Variants in CDK8 observed in about 807,000 individuals in gnomAD.
CDK8 encodes cyclin dependent kinase 8.
In CDK8, 29 loss-of-function variants were observed where a neutral mutation model predicts 71.5. The ratio of observed to expected loss-of-function variants is 0.41; its 90% CI spans 0.30 to 0.55. The LOEUF (loss-of-function observed/expected upper bound fraction) is 0.55. Ranked by LOEUF, CDK8 falls within the 20% of genes least tolerant of loss-of-function variation. CDK8 has a pLI of 0.37. For synonymous variants in CDK8, 161 were observed against 192.1 expected, an observed-to-expected ratio of 0.84 and a Z score of 1.34; for missense variants, 288 against 572.6, an observed-to-expected ratio of 0.50 and a Z score of 5.07.
At chr13:26,338,645 T>A (rs1873088134) in intron 2 of CDK8, among the ~76,000 whole-genome samples, 1 of 152,128 alleles carries the variant, frequency 6.6e-6, no homozygotes, top group Admixed American at 6.5e-5. Flanking sequence ...TAGACCATGC[T>A]GAAAGATGTA....
rs140717488 is a variant in CDK8 at position 26,270,850 on chromosome 13, G to A, written c.128+16081G>A. Among the ~76,000 whole-genome samples the A allele has an allele frequency of 5.9e-3, 891 of 152,276 alleles. 10 individuals are homozygous for A. Among genetic ancestry groups the A allele is most frequent in the African/African-American group, 0.02 (843 of 41,542 alleles). On this transcript the variant is annotated intron_variant, in intron 1 of 12. Coordinates refer to ENST00000381527, the MANE Select transcript of CDK8 (RefSeq NM_001260.3). ...ATTCCTAGGTATTCATTATAACCAA[G>A]AGTGGAATTACCGGCTCATGTTTAA...
At position 26,351,353 on chromosome 13, in the gene CDK8, T is replaced by C. The variant is rs998632466; in HGVS notation, c.315+2171T>C. On this transcript the variant is annotated intron_variant, in intron 3 of 12. Coordinates refer to ENST00000381527, the MANE Select transcript of CDK8 (RefSeq NM_001260.3). The stretch of plus-strand genomic sequence containing the variant: ...GCTGGTTATTAATTTCTTCTTTTTT[T>C]TTAAATCTTTGGTTCTTCTGTTCTT... Among the ~76,000 whole-genome samples, 29 of 152,190 alleles carry C rather than the reference T, an allele frequency of 1.9e-4. 1 individual carries two copies. Among genetic ancestry groups the C allele is most frequent in the Admixed American group, 5.2e-4 (8 of 15,286 alleles).
chr13:26,359,739 G>T, intron 4 of CDK8: 1 of 432,052 alleles, frequency 2.3e-6, no homozygotes, highest in East Asian at 8.0e-5. Flanking sequence ...TTTTGAGATG[G>T]AGTCATCACT....
chr13:26,348,183 A>G lies in CDK8; in HGVS notation c.205-889A>G, dbSNP rs114471687. On this transcript the variant is annotated intron_variant, in intron 2 of 12. Transcript: ENST00000381527. ...AAATAAGCCTGGCATGAAAGGATAC[A>G]TATTGTATGGTTCCACTTACATGAA... is the stretch of plus-strand genomic sequence containing the variant. Among the ~76,000 whole-genome samples, 970 of 152,272 alleles carry G rather than the reference A, an allele frequency of 6.4e-3. 10 individuals carry two copies. Among genetic ancestry groups the G allele is most frequent in the African/African-American group, 0.021 (867 of 41,548 alleles).
chr13:26,311,893 G>A (rs1234227519), intron 1 of CDK8, among the ~76,000 whole-genome samples: 1 of 152,184 alleles, frequency 6.6e-6, no homozygotes, highest in African/African-American at 2.4e-5. Flanking sequence ...TTAGGTAAAA[G>A]TAGATAAACC....
At chr13:26,300,449 A>G (rs550193057) in intron 1 of CDK8, among the ~76,000 whole-genome samples, 3 of 152,288 alleles carry the variant, frequency 2.0e-5, no homozygotes. Context: ...GTTTATTTCT[A>G]GAAGTTTCCA....
intron 1 of CDK8, among the ~76,000 whole-genome samples, chr13:26,287,911 C>T (rs1566472735): frequency 6.6e-6 from 1 of 152,070 alleles, no homozygotes. Context: ...TGTGTTTTTA[C>T]CCCTGTAGTG....
chr13:26,302,057 G>A (rs1873846474), intron 1 of CDK8, among the ~76,000 whole-genome samples: 1 of 152,166 alleles, frequency 6.6e-6, no homozygotes, highest in Non-Finnish European at 1.5e-5. Context: ...GCTGTCTGCA[G>A]GTGTTAATGA....
At chr13:26,294,150 G>A (rs989772823) in intron 1 of CDK8, among the ~76,000 whole-genome samples, 1 of 146,654 alleles carries the variant, frequency 6.8e-6, no homozygotes, top group Admixed American at 6.7e-5. Context: ...TTTTTCTTCA[G>A]AGGTGGGATC....
At position 26,291,738 on chromosome 13, in the gene CDK8, G is replaced by A. The variant is rs933323186; in HGVS notation, c.128+36969G>A. The stretch of plus-strand genomic sequence containing the variant: ...CATGGTACATGAATGATTTGGTTCT[G>A]TTACATAGTTTTCCCCATCCTCACG... On this transcript the variant is annotated intron_variant, in intron 1 of 12. Coordinates refer to ENST00000381527, the MANE Select transcript of CDK8 (RefSeq NM_001260.3). Among the ~76,000 whole-genome samples, 6 of 152,256 alleles carry A rather than the reference G, an allele frequency of 3.9e-5. No homozygotes were observed. The South Asian group carries it at 1.2e-3, about 32-fold the overall frequency.
chr13:26,288,661 T>C (rs562310727), intron 1 of CDK8, among the ~76,000 whole-genome samples: 29 of 152,212 alleles, frequency 1.9e-4, no homozygotes, highest in African/African-American at 6.0e-4. Flanking sequence ...GTTGATAATT[T>C]GGGGAGAATT....
chr13:26,269,400 T>C (rs1214805861), intron 1 of CDK8, among the ~76,000 whole-genome samples: 2 of 152,228 alleles, frequency 1.3e-5, no homozygotes, highest in African/African-American at 4.8e-5. Context: ...AAAGTCGATA[T>C]TGTCAGTGTT....
At chr13:26,300,090 T>C (rs1236524155) in intron 1 of CDK8, among the ~76,000 whole-genome samples, 1 of 152,136 alleles carries the variant, frequency 6.6e-6, no homozygotes, top group African/African-American at 2.4e-5. Flanking sequence ...ATTTTCTTTG[T>C]TGCATACCTC....
intron 2 of CDK8, among the ~76,000 whole-genome samples, chr13:26,338,949 G>C (rs138572319): frequency 1.9e-3 from 255 of 137,252 alleles, no homozygotes; most frequent in Non-Finnish European, 3.4e-3. Flanking sequence ...CTTTTCTCTT[G>C]TTTATTAGTC....
intron 1 of CDK8, among the ~76,000 whole-genome samples, chr13:26,284,466 C>T (rs1872904446): frequency 6.6e-6 from 1 of 152,006 alleles, no homozygotes; most frequent in Non-Finnish European, 1.5e-5. Context: ...ACAACTGATA[C>T]CACAGAAATA....
At chr13:26,351,809 T>A (rs1180237664) in intron 3 of CDK8, among the ~76,000 whole-genome samples, 3 of 152,196 alleles carry the variant, frequency 2.0e-5, no homozygotes, top group Non-Finnish European at 4.4e-5. Flanking sequence ...TTAATTGGAA[T>A]GTTGAAGTGA....
rs542640452 is a variant in CDK8, at chr13:26,267,469, T to A, written c.128+12700T>A. Among the ~76,000 whole-genome samples the A allele has an allele frequency of 3.9e-5, 6 of 152,340 alleles. No homozygotes were observed. In the South Asian group the frequency reaches 1.2e-3, roughly 32 times the overall value. ...ACTTTTTAGGGATAATTATTACCAG[T>A]GGCTCCTTGTGTATCTGCATATAGA... On this transcript the variant is annotated intron_variant, in intron 1 of 12. Transcript: ENST00000381527.
At chr13:26,373,257 A>G (rs1359371140) in intron 4 of CDK8, among the ~76,000 whole-genome samples, 2 of 151,788 alleles carry the variant, frequency 1.3e-5, no homozygotes, top group African/African-American at 4.8e-5. Flanking sequence ...TTTTTTACAT[A>G]TATTTGTTTG....
chr13:26,345,794 CTTTAG>C (rs1204283670), intron 2 of CDK8, among the ~76,000 whole-genome samples: 2 of 152,114 alleles, frequency 1.3e-5, no homozygotes, highest in African/African-American at 2.4e-5. Context: ...GTGTGTCCTT[CTTTAG>C]TTTAGTTGTG....
Sources: gnomAD v4.1 joint callset for allele counts (sites outside exome capture counted in the v4.1 genomes callset) on GRCh38, gnomAD v4.1.1 for gene constraint, MANE v1.5 for transcripts, NCBI Gene and HGNC (gene_info 2026-07-23, HGNC 2026-07-21) for gene names.